Variants in RGS7 observed in about 807,000 individuals in gnomAD.
RGS7 encodes regulator of G-protein signaling 7.
A neutral mutation model predicts 81.1 loss-of-function variants in RGS7; 27 were observed. The observed-to-expected ratio is 0.33, with a 90% CI of 0.25 to 0.46. RGS7 has a LOEUF of 0.46. RGS7 is among the 20% of genes least tolerant of loss of function. The pLI, the probability that RGS7 is intolerant of heterozygous loss-of-function variation, is 1.00. For synonymous variants in RGS7, 208 were observed against 207.7 expected (o/e 1.00, Z -0.01); for missense variants, 396 against 607.4 (o/e 0.65, Z 3.66).
At chr1:241,188,238 AAGTT>A (rs140934672) in intron 2 of RGS7, among the ~76,000 whole-genome samples, 1,707 of 152,150 alleles carry the variant, frequency 0.011, 22 homozygotes, top group African/African-American at 0.039. Flanking sequence ...TAATGAAAAA[AAGTT>A]AGAGTTTTAT....
intron 2 of RGS7, among the ~76,000 whole-genome samples, chr1:241,145,160 G>A (rs972386707): frequency 6.6e-6 from 1 of 151,966 alleles, no homozygotes; most frequent in African/African-American, 2.4e-5. Context: ...GGGATTACAG[G>A]TGCCTGCCAC....
intron 2 of RGS7, among the ~76,000 whole-genome samples, chr1:241,157,918 G>A (rs373518378): frequency 9.1e-5 from 13 of 142,862 alleles, no homozygotes; most frequent in South Asian, 2.2e-4. Flanking sequence ...TCCCGGTCAC[G>A]CCATTCTCCT....
chr1:241,311,999 T>A (rs1271293642), intron 2 of RGS7, among the ~76,000 whole-genome samples: 1 of 152,236 alleles, frequency 6.6e-6, no homozygotes, highest in Admixed American at 6.5e-5. Context: ...ACTTCAGACA[T>A]GAATTTCATC....
chr1:241,189,841 C>A (rs114997913), intron 2 of RGS7, among the ~76,000 whole-genome samples: 3 of 152,098 alleles, frequency 2.0e-5, no homozygotes, highest in Admixed American at 6.5e-5. Context: ...TCAGGCTGGG[C>A]GCGGTGGCTC....
intron 2 of RGS7, among the ~76,000 whole-genome samples, chr1:241,148,051 CT>C (rs58632066): frequency 0.014 from 1,473 of 108,464 alleles, 12 homozygotes; most frequent in African/African-American, 0.047. Flanking sequence ...TTTTCTTTTT[CT>C]TTTTTTTTTT....
intron 2 of RGS7, among the ~76,000 whole-genome samples, chr1:241,322,512 G>C (rs1158846760): frequency 5.3e-5 from 8 of 152,184 alleles, no homozygotes; most frequent in Non-Finnish European, 8.8e-5. Context: ...TAAAGAAAGA[G>C]TATTAAAAAT....
At chr1:241,304,670 AT>A (rs1433001542) in intron 2 of RGS7, among the ~76,000 whole-genome samples, 1 of 152,240 alleles carries the variant, frequency 6.6e-6, no homozygotes, top group African/African-American at 2.4e-5. Context: ...TATATACTTA[AT>A]GCTAAATAGG....
intron 3 of RGS7, among the ~76,000 whole-genome samples, chr1:241,069,133 C>A (rs1016012215): frequency 2.0e-5 from 3 of 152,192 alleles, no homozygotes; most frequent in Non-Finnish European, 4.4e-5. Flanking sequence ...ATTACTCAGT[C>A]TCAGGTATTT....
Position 241,140,142 on chromosome 1 carries a change from A to C in RGS7, c.79-41380T>G, listed in dbSNP as rs183670790. Among the ~76,000 whole-genome samples the C allele has an allele frequency of 8.5e-5, 13 of 152,336 alleles. No individual in the cohort carries two copies. The East Asian group carries it at 2.5e-3, about 29-fold the overall frequency. On this transcript the variant is annotated intron_variant, in intron 2 of 18. Transcript: ENST00000440928. ...TGTGTCTGGCTTCGGATGGAGACAC[A>C]GGCAGGTAGAGAGCAACATTGAAGA...
chr1:241,299,042 G>T (rs2079581972), intron 2 of RGS7, among the ~76,000 whole-genome samples: 1 of 152,202 alleles, frequency 6.6e-6, no homozygotes, highest in South Asian at 2.1e-4. Flanking sequence ...CATCCCCAGG[G>T]AAGCCCAGAG....
At chr1:240,855,007 T>C (rs916130606) in intron 9 of RGS7, among the ~76,000 whole-genome samples, 34 of 152,156 alleles carry the variant, frequency 2.2e-4, no homozygotes, top group African/African-American at 8.0e-4. Context: ...AAGGATACTT[T>C]ATCCACAATT....
At chr1:241,057,841 G>A (rs2061548935) in intron 3 of RGS7, among the ~76,000 whole-genome samples, 2 of 152,136 alleles carry the variant, frequency 1.3e-5, no homozygotes, top group Non-Finnish European at 2.9e-5. Flanking sequence ...CAGCCTGGGC[G>A]ACAAAGCGAG....
chr1:240,848,802 A>G (rs1428311621), intron 9 of RGS7, among the ~76,000 whole-genome samples: 2 of 152,198 alleles, frequency 1.3e-5, no homozygotes, highest in African/African-American at 4.8e-5. Flanking sequence ...ATAACATTTG[A>G]ATGCCAAAAA....
chr1:241,166,880 C>T (rs1236187364), intron 2 of RGS7, among the ~76,000 whole-genome samples: 2 of 152,192 alleles, frequency 1.3e-5, no homozygotes, highest in Non-Finnish European at 2.9e-5. Flanking sequence ...AAGGCAGAAT[C>T]AGGCCCCATG....
intron 2 of RGS7, among the ~76,000 whole-genome samples, chr1:241,302,285 T>C (rs554061745): frequency 8.3e-4 from 126 of 152,154 alleles, no homozygotes; most frequent in African/African-American, 2.6e-3. Flanking sequence ...CGCGGTGGCT[T>C]ACGCCTGTAA....
intron 18 of RGS7, among the ~76,000 whole-genome samples, chr1:240,784,660 T>C (rs1196572671): frequency 7.0e-6 from 1 of 143,432 alleles, no homozygotes; most frequent in African/African-American, 2.8e-5. Context: ...AAAAAAAGAT[T>C]TTTTTTTTTT....
chr1:241,179,187 C>T (rs1053073894), intron 2 of RGS7, among the ~76,000 whole-genome samples: 11 of 152,298 alleles, frequency 7.2e-5, no homozygotes, highest in South Asian at 6.2e-4. Context: ...CTCCACCTCC[C>T]GGGTTCAAGC....
intron 2 of RGS7, among the ~76,000 whole-genome samples, chr1:241,157,019 T>C (rs1169674273): frequency 6.6e-6 from 1 of 152,180 alleles, no homozygotes; most frequent in Non-Finnish European, 1.5e-5. Context: ...TACATACATA[T>C]GTGTGAGTGT....
intron 2 of RGS7, among the ~76,000 whole-genome samples, chr1:241,210,396 C>A (rs1021215701): frequency 3.3e-5 from 5 of 152,172 alleles, no homozygotes; most frequent in African/African-American, 1.2e-4. Flanking sequence ...GATCCACCCA[C>A]CTCGGCCTCC....
Sources: allele counts gnomAD v4.1 joint callset (sites outside exome capture counted in the v4.1 genomes callset), GRCh38; gene constraint gnomAD v4.1.1; transcripts MANE v1.5; gene names NCBI Gene and HGNC (gene_info 2026-07-23, HGNC 2026-07-21).